The following CHST3 variants were observed in gnomAD, a reference collection of about 807,000 sequenced individuals.
CHST3 encodes C6ST-1.
CHST3 carries 20 observed loss-of-function variants against 35.4 expected under a neutral mutation model. The ratio of observed to expected loss-of-function variants is 0.57; its 90% CI spans 0.40 to 0.82. The LOEUF (loss-of-function observed/expected upper bound fraction) is 0.82. CHST3 is among the 40% of genes least tolerant of loss of function. CHST3 has a pLI of 0.00. For missense variants in CHST3, 693 were observed against 670.1 expected, an observed-to-expected ratio of 1.03 and a Z score of -0.38; for synonymous variants, 334 against 295.9, an observed-to-expected ratio of 1.13 and a Z score of -1.32.
At chr10:71,991,214 G>A (rs1264166024) in intron 1 of CHST3, among the ~76,000 whole-genome samples, 1 of 152,234 alleles carries the variant, frequency 6.6e-6, no homozygotes, top group Non-Finnish European at 1.5e-5. Flanking sequence ...TCTGGGCAAT[G>A]TGGAGGAGCC....
intron 1 of CHST3, among the ~76,000 whole-genome samples, chr10:71,968,856 C>G (rs1230055547): frequency 6.6e-6 from 1 of 152,134 alleles, no homozygotes; most frequent in African/African-American, 2.4e-5. Flanking sequence ...TGAGACATGA[C>G]TCACTGCTTA....
In CHST3 at chr10:72,008,702, CT is replaced by C. The variant is rs1253940609; in HGVS notation, c.*232del. On this transcript the variant is annotated 3_prime_UTR_variant, in exon 3 of 3. Coordinates refer to ENST00000373115, the MANE Select transcript of CHST3 (RefSeq NM_004273.5). Reference sequence around the variant, plus strand: ...ACACCCAGACCCAACGGGTTGCAGCCTCCTGAGCAGGCCTAGGCAGGCCCGG... The same window carrying C: ...ACACCCAGACCCAACGGGTTGCAGCCCCTGAGCAGGCCTAGGCAGGCCCGG... 2.4e-6 allele frequency: 2 copies of C among 840,098 alleles called. No individual in the cohort carries two copies. Among genetic ancestry groups the C allele is most frequent in the Non-Finnish European group, 3.4e-6 (2 of 583,852 alleles). The allele number at this position is 840,098 out of a possible 1,614,324, so 52.0% of individuals were successfully genotyped here.
At chr10:71,978,996 G>T (rs1486362233) in intron 1 of CHST3, among the ~76,000 whole-genome samples, 1 of 152,194 alleles carries the variant, frequency 6.6e-6, no homozygotes, top group Non-Finnish European at 1.5e-5. Context: ...CCTGGGACAG[G>T]TTCCTTCCCT....
At chr10:71,983,599 T>A (rs1366638774) in intron 1 of CHST3, among the ~76,000 whole-genome samples, 1 of 152,046 alleles carries the variant, frequency 6.6e-6, no homozygotes, top group Non-Finnish European at 1.5e-5. Flanking sequence ...TATAAGCACA[T>A]GCCACGATGC....
chr10:72,003,608 C>T (rs913253845), intron 1 of CHST3, among the ~76,000 whole-genome samples: 36 of 147,944 alleles, frequency 2.4e-4, no homozygotes, highest in African/African-American at 6.8e-4. Flanking sequence ...GGCTGAGGCA[C>T]GAGAATTACT....
chr10:71,989,397 T>C (rs1275671189), intron 1 of CHST3, among the ~76,000 whole-genome samples: 8 of 151,882 alleles, frequency 5.3e-5, no homozygotes, highest in Non-Finnish European at 2.9e-5. Context: ...CAGTGAGCCA[T>C]GATCACACCA....
At chr10:71,984,944 T>C (rs1330342665) in intron 1 of CHST3, among the ~76,000 whole-genome samples, 3 of 152,206 alleles carry the variant, frequency 2.0e-5, no homozygotes, top group Non-Finnish European at 1.5e-5. Flanking sequence ...AGAGATTCTT[T>C]AGGTACTTTC....
chr10:72,007,472 C>T lies in CHST3; in HGVS notation c.441C>T (p.Phe147=), dbSNP rs1359862745. ...LMATTRTGSS[F]VGEFFNQQGN... ...CCACCACGCGCACCGGCTCCTCGTT[C>T]GTGGGCGAGTTCTTCAACCAGCAGG... is the stretch of plus-strand genomic sequence containing the variant. Residue 147 remains phenylalanine (F), a synonymous_variant, in exon 3 of 3, where the codon TTC becomes TTT. Transcript: ENST00000373115. The T allele has an allele frequency of 1.2e-6, 2 of 1,602,254 alleles. No individual in the cohort carries two copies. The highest frequency in any genetic ancestry group is 2.2e-5 in the South Asian group (2 of 91,030).
chr10:71,964,967 G>T (rs1229290449), intron 1 of CHST3, among the ~76,000 whole-genome samples: 1 of 152,188 alleles, frequency 6.6e-6, no homozygotes, highest in Non-Finnish European at 1.5e-5. Context: ...CACCCACACC[G>T]GCCAGGCACA....
chr10:71,973,207 C>T (rs1266444857), intron 1 of CHST3, among the ~76,000 whole-genome samples: 1 of 152,128 alleles, frequency 6.6e-6, no homozygotes, highest in Non-Finnish European at 1.5e-5. Context: ...AGAGTGGGAC[C>T]CCGGCACATG....
At chr10:72,002,005 G>A (rs930973330) in intron 1 of CHST3, among the ~76,000 whole-genome samples, 11 of 152,112 alleles carry the variant, frequency 7.2e-5, no homozygotes, top group Non-Finnish European at 1.0e-4. Flanking sequence ...ACCCCCATCC[G>A]GGCTCTATCC....
intron 1 of CHST3, among the ~76,000 whole-genome samples, chr10:71,992,017 A>G (rs914944075): frequency 6.6e-6 from 1 of 152,162 alleles, no homozygotes; most frequent in Admixed American, 6.5e-5. Context: ...ATAACTTAAA[A>G]ATACTTTATT....
At chr10:71,974,923 T>C (rs1048412220) in intron 1 of CHST3, among the ~76,000 whole-genome samples, 2 of 152,072 alleles carry the variant, frequency 1.3e-5, no homozygotes, top group African/African-American at 4.8e-5. Flanking sequence ...CTTCTGGAAG[T>C]GGTGATGGGC....
chr10:71,987,183 C>T (rs989271289), intron 1 of CHST3, among the ~76,000 whole-genome samples: 1 of 152,104 alleles, frequency 6.6e-6, no homozygotes, highest in Admixed American at 6.5e-5. Context: ...TGCCCAAGAC[C>T]CCTGTGGCCC....
At chr10:71,978,041 A>G (rs562301653) in intron 1 of CHST3, among the ~76,000 whole-genome samples, 2 of 152,198 alleles carry the variant, frequency 1.3e-5, no homozygotes, top group South Asian at 2.1e-4. Context: ...CTATGCCTCT[A>G]TGCTGACTTC....
At chr10:71,970,808 A>G (rs1260267369) in intron 1 of CHST3, among the ~76,000 whole-genome samples, 1 of 152,228 alleles carries the variant, frequency 6.6e-6, no homozygotes, top group Non-Finnish European at 1.5e-5. Flanking sequence ...TTTAGGGTGG[A>G]TAGACCAAAG....
At chr10:71,984,749 C>T (rs1839831902) in intron 1 of CHST3, among the ~76,000 whole-genome samples, 1 of 152,190 alleles carries the variant, frequency 6.6e-6, no homozygotes, top group African/African-American at 2.4e-5. Context: ...AGATTAAGTA[C>T]ATTTATGTAC....
Position 71,994,292 on chromosome 10 carries a change from A to G in CHST3, c.-107-11444A>G, listed in dbSNP as rs533882690. Among the ~76,000 whole-genome samples the G allele has an allele frequency of 1.2e-4, 18 of 152,232 alleles. No individual in the cohort carries two copies. In the South Asian group the frequency reaches 3.3e-3, roughly 28 times the overall value. On this transcript the variant is annotated intron_variant, in intron 1 of 2. Coordinates refer to ENST00000373115, the MANE Select transcript of CHST3 (RefSeq NM_004273.5). ...CAAAAAAAAAAAAAATTAATTAATT[A>G]AAAAACAGACTTGAAAGTCAAAATT...
At position 72,008,449 on chromosome 10, in the gene CHST3, G is replaced by A; in HGVS notation, c.1418G>A (p.Arg473Lys). The A allele has an allele frequency of 1.3e-6, 2 of 1,562,794 alleles. No homozygotes were observed. The highest frequency in any genetic ancestry group is 1.2e-5 in the South Asian group (1 of 85,018). ...CGCTCAGTCAGCCTGCTGGAGGAGA[G>A]GGGCACCTTCTGGGTCACGTAGGGG... Reference protein sequence around the residue: ...TNRSVSLLEERGTFWVT With the variant: ...TNRSVSLLEEKGTFWVT The change falls in exon 3 of 3, where the codon AGG (arginine) becomes AAG (lysine). Residue 473 changes from arginine to lysine, a missense_variant. Arg to Lys is a conservative substitution (Grantham distance 26, BLOSUM62 2). Transcript: ENST00000373115.
Sources: gnomAD v4.1 joint callset for allele counts (sites outside exome capture counted in the v4.1 genomes callset) on GRCh38, gnomAD v4.1.1 for gene constraint, MANE v1.5 for transcripts, NCBI Gene and HGNC (gene_info 2026-07-23, HGNC 2026-07-21) for gene names.